EFCAB11: variants seen among roughly 807,000 people sequenced by gnomAD.
The protein encoded by EFCAB11 is EF-hand calcium binding domain 11.
In EFCAB11, 14 loss-of-function variants were observed where a neutral mutation model predicts 23.0. The ratio of observed to expected loss-of-function variants is 0.61; its 90% confidence interval spans 0.40 to 0.95. EFCAB11 has a LOEUF of 0.95. EFCAB11 is among the 40% of genes least tolerant of loss of function. The pLI is 0.00. For missense variants in EFCAB11, 198 were observed against 195.8 expected, an observed-to-expected ratio of 1.01 and a Z score of -0.07; for synonymous variants, 65 against 66.6, an observed-to-expected ratio of 0.98 and a Z score of 0.11.
chr14:89,863,897 T>C (rs1467787626), intron 5 of EFCAB11, among the ~76,000 whole-genome samples: 1 of 152,126 alleles, frequency 6.6e-6, no homozygotes, highest in Non-Finnish European at 1.5e-5. Context: ...AAACTGAAAA[T>C]TCATGTATTC....
chr14:89,861,829 C>G (rs1209371971), intron 5 of EFCAB11, among the ~76,000 whole-genome samples: 1 of 152,176 alleles, frequency 6.6e-6, no homozygotes, highest in African/African-American at 2.4e-5. Flanking sequence ...TGGTCCTCTC[C>G]AGATGCTGGT....
At chr14:89,893,687 T>C (rs1451553098) in intron 5 of EFCAB11, among the ~76,000 whole-genome samples, 1 of 151,730 alleles carries the variant, frequency 6.6e-6, no homozygotes, top group Non-Finnish European at 1.5e-5. Flanking sequence ...ATAGCCAAGT[T>C]ATCCCCCTGC....
chr14:89,920,590 G>A (rs1046774105), intron 5 of EFCAB11, among the ~76,000 whole-genome samples: 5 of 152,240 alleles, frequency 3.3e-5, no homozygotes, highest in African/African-American at 1.2e-4. Context: ...GACAGACGGA[G>A]CCCAACCCAA....
intron 3 of EFCAB11, among the ~76,000 whole-genome samples, chr14:89,933,470 C>A (rs1403482594): frequency 2.6e-5 from 4 of 152,104 alleles, no homozygotes; most frequent in Non-Finnish European, 5.9e-5. Context: ...CACATTTTTT[C>A]TTTTAGTGAT....
chr14:89,819,202 T>C (rs1035048641), intron 5 of EFCAB11, among the ~76,000 whole-genome samples: 8 of 152,180 alleles, frequency 5.3e-5, no homozygotes, highest in African/African-American at 1.4e-4. Context: ...TGGTATCCCA[T>C]GGATAAATCT....
intron 5 of EFCAB11, among the ~76,000 whole-genome samples, chr14:89,821,060 C>A (rs1886500915): frequency 6.6e-6 from 1 of 152,064 alleles, no homozygotes; most frequent in Non-Finnish European, 1.5e-5. Context: ...GGGGGTCTCA[C>A]TATCTTGCCC....
rs182903590 is a variant in EFCAB11 at position 89,865,085 on chromosome 14, G to A, written c.410+66456C>T. On this transcript the variant is annotated intron_variant, in intron 5 of 5. Coordinates refer to ENST00000316738, the MANE Select transcript of EFCAB11 (RefSeq NM_145231.4). ...TTGGTGAGGTTACGGGTGTGAGGCC[G>A]GGAGCCGCTGCAGTCAGTGCTGCAT... is the stretch of plus-strand genomic sequence containing the variant. Among the ~76,000 whole-genome samples, 468 of 152,304 alleles carry A rather than the reference G, an allele frequency of 3.1e-3. 2 individuals are homozygous for A. Among genetic ancestry groups the A allele is most frequent in the African/African-American group, 0.01 (431 of 41,568 alleles).
intron 5 of EFCAB11, among the ~76,000 whole-genome samples, chr14:89,800,646 T>G (rs556660528): frequency 1.3e-5 from 2 of 152,334 alleles, no homozygotes; most frequent in Admixed American, 1.3e-4. Flanking sequence ...CAACAACTGC[T>G]TCTAGAAATG....
intron 5 of EFCAB11, among the ~76,000 whole-genome samples, chr14:89,898,238 A>G (rs1889230534): frequency 6.6e-6 from 1 of 152,198 alleles, no homozygotes; most frequent in Non-Finnish European, 1.5e-5. Flanking sequence ...GTAAAATAAG[A>G]GACTGTACCA....
intron 5 of EFCAB11, among the ~76,000 whole-genome samples, chr14:89,825,211 T>C (rs1262959833): frequency 6.6e-6 from 1 of 151,752 alleles, no homozygotes. Flanking sequence ...TTTCAAATAT[T>C]TGGAAATTAA....
chr14:89,800,022 C>T (rs1885719995), intron 5 of EFCAB11, among the ~76,000 whole-genome samples: 1 of 151,960 alleles, frequency 6.6e-6, no homozygotes, highest in African/African-American at 2.4e-5. Context: ...CCAATCTCTA[C>T]TAAAAATACA....
At chr14:89,882,850 C>T (rs1286946) in intron 5 of EFCAB11, among the ~76,000 whole-genome samples, 132,923 of 152,128 alleles carry the variant, frequency 0.87, 58,262 homozygotes, top group Non-Finnish European at 0.9. Context: ...AAGTGGGGCC[C>T]AATGGGAGGT....
chr14:89,814,634 G>A (rs1886268985), intron 5 of EFCAB11, among the ~76,000 whole-genome samples: 1 of 151,930 alleles, frequency 6.6e-6, no homozygotes, highest in South Asian at 2.1e-4. Flanking sequence ...AACCTGGGAG[G>A]TGGAGGTTGT....
In EFCAB11 at chr14:89,797,096, C is replaced by T. The variant is rs938053336; in HGVS notation, c.*147G>A. Reference sequence around the variant, plus strand: ...ACCCATATATGTGTGTGTATGTATACATATGCACCTACTATGTACCCACAA... The same window carrying T: ...ACCCATATATGTGTGTGTATGTATATATATGCACCTACTATGTACCCACAA... On this transcript the variant is annotated 3_prime_UTR_variant, in exon 6 of 6. Transcript: ENST00000316738. 6.8e-6 allele frequency: 4 copies of T among 584,266 alleles called. No homozygotes were observed. Among genetic ancestry groups the T allele is most frequent in the Admixed American group, 5.9e-5 (2 of 33,676 alleles). The allele number at this position is 584,266 out of a possible 1,614,324, so 36.2% of individuals were successfully genotyped here.
chr14:89,825,475 A>G (rs1886658403), intron 5 of EFCAB11, among the ~76,000 whole-genome samples: 1 of 152,132 alleles, frequency 6.6e-6, no homozygotes, highest in South Asian at 2.1e-4. Context: ...AACAAGTAAC[A>G]ATGGCAAAAG....
Position 89,842,126 on chromosome 14 carries a change from G to A in EFCAB11, c.411-44802C>T, listed in dbSNP as rs1394188621. On this transcript the variant is annotated intron_variant, in intron 5 of 5. Coordinates refer to ENST00000316738, the MANE Select transcript of EFCAB11 (RefSeq NM_145231.4). The stretch of plus-strand genomic sequence containing the variant: ...CTAGCCACACCCAACCATTTACCTA[G>A]TTCTGTAAACTTCTCCACACACCTC... Among the ~76,000 whole-genome samples, 3 of 152,070 alleles carry A rather than the reference G, an allele frequency of 2.0e-5. No individual in the cohort carries two copies. In the South Asian group the frequency reaches 6.2e-4, roughly 32 times the overall value.
chr14:89,952,167 G>A (rs984840392), intron 2 of EFCAB11, among the ~76,000 whole-genome samples: 36 of 152,168 alleles, frequency 2.4e-4, no homozygotes, highest in African/African-American at 8.4e-4. Flanking sequence ...TAGGTGACAT[G>A]CTATTAGTAA....
chr14:89,837,637 AG>A (rs1158518900), intron 5 of EFCAB11, among the ~76,000 whole-genome samples: 1 of 152,254 alleles, frequency 6.6e-6, no homozygotes, highest in African/African-American at 2.4e-5. Flanking sequence ...CCTGACTGAT[AG>A]AACCATTTTT....
intron 5 of EFCAB11, among the ~76,000 whole-genome samples, chr14:89,887,143 T>A (rs546201787): frequency 6.6e-6 from 1 of 152,158 alleles, no homozygotes; most frequent in African/African-American, 2.4e-5. Context: ...AGCTTTATAG[T>A]CAAGCCTGAC....
Sources: allele counts gnomAD v4.1 joint callset (sites outside exome capture counted in the v4.1 genomes callset), GRCh38; gene constraint gnomAD v4.1.1; transcripts MANE v1.5; gene names NCBI Gene and HGNC (gene_info 2026-07-23, HGNC 2026-07-21).